PDK1: variants seen among roughly 807,000 people sequenced by gnomAD.
PDK1 encodes [Pyruvate dehydrogenase (acetyl-transferring)] kinase isozyme 1, mitochondrial.
PDK1 carries 39 observed loss-of-function variants against 54.2 expected under a neutral mutation model. That is an observed-to-expected ratio of 0.72 (90% CI 0.56 to 0.94). The LOEUF (loss-of-function observed/expected upper bound fraction) is 0.94. Among genes scored for constraint, PDK1 ranks in the 40% least tolerant of loss-of-function variants. The pLI, the probability that PDK1 is intolerant of heterozygous loss-of-function variation, is 0.00. For synonymous variants in PDK1, 221 were observed against 207.1 expected (o/e 1.07, Z -0.58); for missense variants, 552 against 566.0 (o/e 0.98, Z 0.25).
At chr2:172,609,044 A>G (rs1046974669), downstream of PDK1, among the ~76,000 whole-genome samples, 1 of 152,230 alleles carries the variant, frequency 6.6e-6, no homozygotes, top group Non-Finnish European at 1.5e-5. Context: ...AATATGCTTG[A>G]CTTAGAAGCT....
Position 172,600,293 on chromosome 2 carries a change from A to G in PDK1, c.*4324A>G, listed in dbSNP as rs1691068917. On this transcript the variant is annotated 3_prime_UTR_variant, in exon 11 of 11. Transcript: ENST00000282077. ...CAGTTACAGTATTGCATGAAAATAC[A>G]GTATGGTATGAAATTATTTGTCCAA... The G allele has an allele frequency of 2.6e-5, 4 of 152,248 alleles. No homozygotes were observed. Among genetic ancestry groups the G allele is most frequent in the Admixed American group, 2.6e-4 (4 of 15,286 alleles). 9.4% of individuals were successfully genotyped at this position (152,248 alleles called of 1,614,324 possible).
At chr2:172,639,604 A>C in the PDK1 span, among the ~76,000 whole-genome samples, 9 of 152,346 alleles carry the variant, frequency 5.9e-5, 1 homozygote, top group East Asian at 1.3e-3. Context: ...CATTCCCAAA[A>C]TAAGTGATGC....
At chr2:172,692,911 A>C in the PDK1 span, among the ~76,000 whole-genome samples, 2 of 152,224 alleles carry the variant, frequency 1.3e-5, no homozygotes, top group Non-Finnish European at 2.9e-5. Flanking sequence ...TTTATTACAC[A>C]AAGTTCAACC....
At chr2:172,690,564 C>A in the PDK1 span, among the ~76,000 whole-genome samples, 1 of 149,900 alleles carries the variant, frequency 6.7e-6, no homozygotes, top group Non-Finnish European at 1.5e-5. Flanking sequence ...TTGTTTACTG[C>A]GGCACTGTTC....
chr2:172,712,321 A>G, the PDK1 span, among the ~76,000 whole-genome samples: 1 of 152,348 alleles, frequency 6.6e-6, no homozygotes, highest in East Asian at 1.9e-4. Context: ...TTCACCAGCC[A>G]GGAACCTCTG....
At chr2:172,633,196 C>T in the PDK1 span, among the ~76,000 whole-genome samples, 1 of 128,812 alleles carries the variant, frequency 7.8e-6, no homozygotes, top group Non-Finnish European at 1.7e-5. Context: ...GCATGCACCA[C>T]CATGCTTGGC....
the PDK1 span, among the ~76,000 whole-genome samples, chr2:172,616,984 C>T: frequency 5.1e-4 from 77 of 152,314 alleles, no homozygotes; most frequent in African/African-American, 1.8e-3. Flanking sequence ...GAGTCTCACT[C>T]TGTCACCCAG....
At chr2:172,643,642 G>C in the PDK1 span, among the ~76,000 whole-genome samples, 1 of 152,260 alleles carries the variant, frequency 6.6e-6, no homozygotes, top group East Asian at 1.9e-4. Flanking sequence ...GCAGCTGCTT[G>C]TTGGGAAGGG....
intron 2 of PDK1, among the ~76,000 whole-genome samples, chr2:172,560,019 T>C (rs998540138): frequency 6.6e-6 from 1 of 152,200 alleles, no homozygotes; most frequent in African/African-American, 2.4e-5. Context: ...AATTTTTGTA[T>C]TTTTTAGCAG....
chr2:172,562,724 C>T (rs757143248), intron 3 of PDK1: 19 of 1,396,942 alleles, frequency 1.4e-5, no homozygotes, highest in Non-Finnish European at 1.8e-5. Context: ...CTAATTAAAA[C>T]ATTTTTTAAA....
the PDK1 span, chr2:172,678,766 G>T: frequency 6.6e-6 from 1 of 152,156 alleles, no homozygotes; most frequent in East Asian, 1.9e-4. Flanking sequence ...ATGCTTATTA[G>T]TTATTTGTTA....
the PDK1 span, among the ~76,000 whole-genome samples, chr2:172,673,205 C>A: frequency 3.9e-5 from 6 of 152,312 alleles, no homozygotes; most frequent in African/African-American, 1.4e-4. Flanking sequence ...CAACCTGATT[C>A]TTCCCTTGGG....
At chr2:172,698,044 A>G in the PDK1 span, among the ~76,000 whole-genome samples, 4 of 152,220 alleles carry the variant, frequency 2.6e-5, no homozygotes, top group South Asian at 2.1e-4. Flanking sequence ...ATGGCCACCC[A>G]TCTTCCTGAA....
intron 1 of PDK1, 135 bp from the exon 2 acceptor site, chr2:172,558,573 C>A: frequency 1.4e-6 from 1 of 727,506 alleles, no homozygotes; most frequent in Non-Finnish European, 2.2e-6. Flanking sequence ...TCTTTGCCTC[C>A]TATTCCCTGC....
chr2:172,700,623 A>G, the PDK1 span, among the ~76,000 whole-genome samples: 1 of 152,150 alleles, frequency 6.6e-6, no homozygotes, highest in African/African-American at 2.4e-5. Flanking sequence ...AGAGGCTACA[A>G]TCTCGGCACT....
chr2:172,669,104 G>A, the PDK1 span, among the ~76,000 whole-genome samples: 1 of 139,850 alleles, frequency 7.2e-6, no homozygotes, highest in Admixed American at 7.8e-5. Flanking sequence ...CTGTCGCCCA[G>A]GCTGGAGTGC....
chr2:172,648,705 G>C, the PDK1 span, among the ~76,000 whole-genome samples: 1 of 152,184 alleles, frequency 6.6e-6, no homozygotes, highest in African/African-American at 2.4e-5. Flanking sequence ...TGGCTCGGAG[G>C]GTCCCATGCC....
chr2:172,625,328 A>G, the PDK1 span, among the ~76,000 whole-genome samples: 3 of 152,236 alleles, frequency 2.0e-5, no homozygotes, highest in South Asian at 6.2e-4. Flanking sequence ...TTTGCCTTTT[A>G]TGTAAATTCT....
the PDK1 span, among the ~76,000 whole-genome samples, chr2:172,621,624 A>G: frequency 2.7e-5 from 4 of 146,846 alleles, no homozygotes; most frequent in Admixed American, 1.4e-4. Context: ...ATATATGTTT[A>G]TATATCATAT....
Sources: gnomAD v4.1 joint callset for allele counts (sites outside exome capture counted in the v4.1 genomes callset) on GRCh38, gnomAD v4.1.1 for gene constraint, MANE v1.5 for transcripts, NCBI Gene and HGNC (gene_info 2026-07-23, HGNC 2026-07-21) for gene names.